CACNA1I: variants seen among roughly 807,000 people sequenced by gnomAD.
CACNA1I encodes voltage-dependent T-type calcium channel subunit alpha-1I.
Under a neutral mutation model 201.6 loss-of-function variants are expected in CACNA1I, and 74 were observed. That is an observed-to-expected ratio of 0.37 (90% CI 0.30 to 0.45). The LOEUF (loss-of-function observed/expected upper bound fraction) is 0.45, where lower values mean the gene tolerates loss of function less well. Among genes scored for constraint, CACNA1I ranks in the 20% least tolerant of loss-of-function variants. The pLI is 1.00. For missense variants in CACNA1I, 2,346 were observed against 3,138.1 expected (o/e 0.75, Z 6.03); for synonymous variants, 1,431 against 1,345.2 (o/e 1.06, Z -1.40).
intron 4 of CACNA1I, among the ~76,000 whole-genome samples, chr22:39,624,716 A>G (rs1294560746): frequency 6.6e-6 from 1 of 152,210 alleles, no homozygotes; most frequent in Non-Finnish European, 1.5e-5. Flanking sequence ...CTCAGGTGCC[A>G]GGTCCCCTGC....
chr22:39,593,420 G>T (rs1369509520), intron 1 of CACNA1I, among the ~76,000 whole-genome samples: 1 of 152,200 alleles, frequency 6.6e-6, no homozygotes, highest in Non-Finnish European at 1.5e-5. Context: ...AGGAGGCTGA[G>T]CCACCACCTT....
At chr22:39,575,172 A>G (rs1384171083) in intron 1 of CACNA1I, among the ~76,000 whole-genome samples, 1 of 152,258 alleles carries the variant, frequency 6.6e-6, no homozygotes, top group African/African-American at 2.4e-5. Flanking sequence ...ACATTGTGCT[A>G]CTTGAATCAC....
At chr22:39,623,768 A>G (rs12170452) in intron 4 of CACNA1I, among the ~76,000 whole-genome samples, 97,403 of 149,408 alleles carry the variant, frequency 0.65, 32,385 homozygotes, top group East Asian at 0.99. Context: ...CTATGAGCCT[A>G]TGTGTGCCTG....
chr22:39,606,601 C>T (rs922072413), intron 3 of CACNA1I, among the ~76,000 whole-genome samples: 2 of 152,064 alleles, frequency 1.3e-5, no homozygotes, highest in East Asian at 1.9e-4. Context: ...GGCGCCATCT[C>T]GGCTCACTAC....
intron 4 of CACNA1I, among the ~76,000 whole-genome samples, chr22:39,633,221 G>T (rs922799378): frequency 5.3e-5 from 8 of 152,140 alleles, no homozygotes; most frequent in African/African-American, 1.9e-4. Context: ...TGTTAGGTGA[G>T]CCTGTCTTCT....
chr22:39,642,891 T>A lies in CACNA1I; in HGVS notation c.1149+2T>A. On this transcript the variant is annotated splice_donor_variant, in intron 7 of 36. Transcript: ENST00000402142. LOFTEE classifies it high-confidence loss of function. ...ATCTACTTCATCCTGCTTATCATAG[T>A]AAGTGTCAGGGAGCCTGGGCTCCTA... The A allele has an allele frequency of 6.3e-7, 1 of 1,590,564 alleles. No individual in the cohort carries two copies. The highest frequency in any genetic ancestry group is 8.6e-7 in the Non-Finnish European group (1 of 1,163,190).
At chr22:39,610,318 C>T (rs551376228) in intron 3 of CACNA1I, among the ~76,000 whole-genome samples, 32 of 152,230 alleles carry the variant, frequency 2.1e-4, no homozygotes, top group Non-Finnish European at 4.3e-4. Context: ...CACCCAGGCA[C>T]GAAAGAGCTG....
In CACNA1I at chr22:39,662,764, T is replaced by G. The variant is rs781322294; in HGVS notation, c.3373-12T>G. ...ATCGCTGACCCCCGGCGCTCCGTCC[T>G]CCTCTTGCTAGACCCTGTGCTTCCG... On this transcript the variant is annotated splice_polypyrimidine_tract_variant and intron_variant, in intron 17 of 36. Coordinates refer to ENST00000402142, the MANE Select transcript of CACNA1I (RefSeq NM_021096.4). The G allele has an allele frequency of 6.4e-6, 10 of 1,557,576 alleles. No individual in the cohort carries two copies. The highest frequency in any genetic ancestry group is 7.0e-6 in the Non-Finnish European group (8 of 1,148,682).
At position 39,659,862 on chromosome 22, in the gene CACNA1I, G is replaced by A. The variant is rs774906344; in HGVS notation, c.2604+10G>A. 4 of 1,613,638 alleles carry A rather than the reference G, an allele frequency of 2.5e-6. No homozygotes were observed. The Admixed American group carries it at 6.7e-5, about 27-fold the overall frequency. ...GGGCTTCCAGGCGGAGGTGACTGTG[G>A]TCTTGGCAGAGGAAGCACCCCCACA... On this transcript the variant is annotated intron_variant, in intron 14 of 36. Coordinates refer to ENST00000402142, the MANE Select transcript of CACNA1I (RefSeq NM_021096.4). This position sits in a 1 kb window ranked among gnomAD's most constrained non-coding sequence, Gnocchi z 4.3.
At chr22:39,630,158 C>A (rs143256161) in intron 4 of CACNA1I, among the ~76,000 whole-genome samples, 49 of 152,292 alleles carry the variant, frequency 3.2e-4, no homozygotes, top group East Asian at 2.7e-3. Flanking sequence ...TCTGCCACCC[C>A]TTCCCTGTCT....
intron 1 of CACNA1I, among the ~76,000 whole-genome samples, chr22:39,585,719 C>CT (rs1932729445): frequency 9.2e-6 from 1 of 108,870 alleles, no homozygotes; most frequent in African/African-American, 3.5e-5. Flanking sequence ...AAAAAAAAAA[C>CT]TTTTAAAGTT....
At chr22:39,628,330 C>T (rs894005073) in intron 4 of CACNA1I, among the ~76,000 whole-genome samples, 5 of 152,038 alleles carry the variant, frequency 3.3e-5, no homozygotes, top group Non-Finnish European at 5.9e-5. Flanking sequence ...CTGATCTGAT[C>T]GGGGCAGGGG....
chr22:39,581,013 C>T (rs768837709), intron 1 of CACNA1I, among the ~76,000 whole-genome samples: 9 of 152,102 alleles, frequency 5.9e-5, no homozygotes, highest in Non-Finnish European at 1.3e-4. Context: ...AAGGAGTCCC[C>T]AGCCTGATGG....
intron 1 of CACNA1I, among the ~76,000 whole-genome samples, chr22:39,591,169 T>C (rs1316710584): frequency 3.4e-5 from 5 of 148,222 alleles, no homozygotes; most frequent in Non-Finnish European, 7.5e-5. Flanking sequence ...TTTTTTTTTT[T>C]TTTTTCTGAG....
chr22:39,647,399 G>A (rs2146427747), intron 8 of CACNA1I, among the ~76,000 whole-genome samples: 1 of 152,302 alleles, frequency 6.6e-6, no homozygotes, highest in Admixed American at 6.5e-5. Flanking sequence ...TGTGCTTGTC[G>A]TGGGGCTGTG....
chr22:39,650,280 A>G (rs1301572363), intron 10 of CACNA1I, among the ~76,000 whole-genome samples: 3 of 150,052 alleles, frequency 2.0e-5, no homozygotes, highest in African/African-American at 7.4e-5. Flanking sequence ...TCACCTCTCC[A>G]CCTGAGCCCT....
intron 4 of CACNA1I, among the ~76,000 whole-genome samples, chr22:39,623,689 G>A (rs1933817701): frequency 6.8e-6 from 1 of 146,776 alleles, no homozygotes; most frequent in Admixed American, 6.8e-5. Context: ...GGGGTGTGTG[G>A]CTGTGAGGGT....
rs745600843 is a variant in CACNA1I at position 39,664,144 on chromosome 22, C to T, written c.3651C>T (p.Gly1217=). Reference sequence around the variant, plus strand: ...ACATCTTCACGGCCATCTTCGTGGGCGAGATGACATTGAAGGTAGCTCCCG... The same window carrying T: ...ACATCTTCACGGCCATCTTCGTGGGTGAGATGACATTGAAGGTAGCTCCCG... ...SNYIFTAIFV[G]EMTLKVVSLG... The change falls in exon 20 of 37, where the codon GGC becomes GGT. Residue 1217 remains glycine, a synonymous_variant. Transcript: ENST00000402142. 3.1e-6 allele frequency: 5 copies of T among 1,613,388 alleles called. No individual in the cohort carries two copies. The highest frequency in any genetic ancestry group is 1.7e-5 in the Admixed American group (1 of 59,972).
rs531073706 is a variant in CACNA1I, at chr22:39,649,276, G to A, written c.1568-225G>A. ...CCTTAAGGGAGAGAATCCTCCTACA[G>A]CCTGCATGGTGGGCGTTCCTGCCCC... On this transcript the variant is annotated intron_variant, in intron 9 of 36. Coordinates refer to ENST00000402142, the MANE Select transcript of CACNA1I (RefSeq NM_021096.4). This position sits in a 1 kb window ranked among gnomAD's most constrained non-coding sequence, Gnocchi z 7.3. Among the ~76,000 whole-genome samples, 8 of 152,332 alleles carry A rather than the reference G, an allele frequency of 5.3e-5. No individual in the cohort carries two copies. Among genetic ancestry groups the A allele is most frequent in the African/African-American group, 1.7e-4 (7 of 41,576 alleles).
Sources: gnomAD v4.1 joint callset for allele counts (sites outside exome capture counted in the v4.1 genomes callset) on GRCh38, gnomAD v4.1.1 for gene constraint, Gnocchi (gnomAD v3.1) non-coding constraint, MANE v1.5 for transcripts, NCBI Gene and HGNC (gene_info 2026-07-23, HGNC 2026-07-21) for gene names.